DAB1: variants seen among roughly 807,000 people sequenced by gnomAD.
DAB1 encodes DAB adaptor protein 1.
Under a neutral mutation model 64.6 loss-of-function variants are expected in DAB1, and 15 were observed. The ratio of observed to expected loss-of-function variants is 0.23; its 90% confidence interval spans 0.16 to 0.36. The LOEUF is 0.36. DAB1 is among the 10% of genes least tolerant of loss of function. The pLI is 1.00. For missense variants in DAB1, 596 were observed against 706.7 expected (o/e 0.84, Z 1.78); for synonymous variants, 235 against 251.9 (o/e 0.93, Z 0.64).
At chr1:57,246,239 T>C (rs1668863066) in intron 2 of DAB1, among the ~76,000 whole-genome samples, 1 of 151,908 alleles carries the variant, frequency 6.6e-6, no homozygotes, top group African/African-American at 2.4e-5. Flanking sequence ...GAAAAATGGT[T>C]TCATGGGCAA....
chr1:57,909,526 A>G (rs913744038), intron 5 of DAB1, among the ~76,000 whole-genome samples: 2 of 152,224 alleles, frequency 1.3e-5, no homozygotes, highest in South Asian at 4.1e-4. Flanking sequence ...AACAGAATCA[A>G]CTATACGACT....
chr1:57,079,720 C>T (rs1489005914), intron 4 of DAB1, among the ~76,000 whole-genome samples: 4 of 152,192 alleles, frequency 2.6e-5, no homozygotes, highest in Non-Finnish European at 4.4e-5. Flanking sequence ...AAATGCACCA[C>T]GCTCAGGTTT....
At chr1:58,004,132 ACACTG>A (rs1338760051) in intron 5 of DAB1, among the ~76,000 whole-genome samples, 1 of 152,234 alleles carries the variant, frequency 6.6e-6, no homozygotes, top group Non-Finnish European at 1.5e-5. Context: ...GTAACACCTC[ACACTG>A]CAGAGTGAGT....
chr1:57,026,148 C>G lies in DAB1; in HGVS notation c.724-105G>C, dbSNP rs114549758. 3.9e-4 allele frequency: 323 copies of G among 835,274 alleles called. 3 individuals are homozygous for G. The African/African-American group carries it at 5.4e-3, about 14-fold the overall frequency. The allele number at this position is 835,274 out of a possible 1,614,324, so 51.7% of individuals were successfully genotyped here. A position where few individuals can be genotyped will look rare whatever the true frequency, so the allele number is the denominator to read the frequency against. On this transcript the variant is annotated intron_variant, in intron 9 of 14. Coordinates refer to ENST00000371236, the MANE Select transcript of DAB1 (RefSeq NM_001365792.1). ...GGGGATACACATTTCTGTTTTTCAT[C>G]ATCTCTAGATAAACCGTAATCCTGA...
chr1:57,087,839 T>C (rs576793993), intron 4 of DAB1, among the ~76,000 whole-genome samples: 1 of 152,202 alleles, frequency 6.6e-6, no homozygotes, highest in African/African-American at 2.4e-5. Flanking sequence ...CACCTATCTT[T>C]AACCTGTCCG....
chr1:58,485,412 G>T (rs1418121832), intron 3 of DAB1, among the ~76,000 whole-genome samples: 1 of 151,756 alleles, frequency 6.6e-6, no homozygotes, highest in Non-Finnish European at 1.5e-5. Context: ...TCTGAGCTAG[G>T]TTTCTTTAAT....
intron 1 of DAB1, among the ~76,000 whole-genome samples, chr1:57,870,440 T>C (rs969066660): frequency 1.3e-5 from 2 of 152,090 alleles, no homozygotes; most frequent in African/African-American, 4.8e-5. Flanking sequence ...GGAAAGACAA[T>C]GGACTTAGGC....
chr1:57,844,987 G>C (rs567921036), intron 1 of DAB1, among the ~76,000 whole-genome samples: 1 of 152,266 alleles, frequency 6.6e-6, no homozygotes, highest in South Asian at 2.1e-4. Context: ...ACCCTGTTTA[G>C]AGTTAGGGGT....
chr1:57,741,068 C>T (rs1033497115), intron 6 of DAB1, among the ~76,000 whole-genome samples: 3 of 152,070 alleles, frequency 2.0e-5, no homozygotes, highest in Admixed American at 1.3e-4. Context: ...GCACAGTTAA[C>T]GACTACATCT....
intron 5 of DAB1, among the ~76,000 whole-genome samples, chr1:57,889,970 T>C (rs1274777204): frequency 6.6e-6 from 1 of 150,938 alleles, no homozygotes; most frequent in South Asian, 2.1e-4. Flanking sequence ...CATTCAGAGC[T>C]GTGGGCTTTC....
chr1:57,679,569 G>T (rs1356900859), intron 6 of DAB1, among the ~76,000 whole-genome samples: 1 of 152,190 alleles, frequency 6.6e-6, no homozygotes, highest in Admixed American at 6.5e-5. Flanking sequence ...TAATGCTAAA[G>T]TTTATGTTCT....
At chr1:57,764,357 T>A (rs78081633) in intron 6 of DAB1, among the ~76,000 whole-genome samples, 7,080 of 152,296 alleles carry the variant, frequency 0.046, 251 homozygotes, top group South Asian at 0.077. Context: ...CATGTGTGGA[T>A]ACATATAACA....
intron 2 of DAB1, among the ~76,000 whole-genome samples, chr1:57,246,317 C>G (rs1668871942): frequency 6.6e-6 from 1 of 152,172 alleles, no homozygotes; most frequent in Admixed American, 6.5e-5. Context: ...CCCAGCTGCT[C>G]CAGCTCCACC....
chr1:57,538,282 C>A (rs1403646263), intron 7 of DAB1, among the ~76,000 whole-genome samples: 1 of 152,114 alleles, frequency 6.6e-6, no homozygotes, highest in Non-Finnish European at 1.5e-5. Flanking sequence ...GGCCCATGTA[C>A]TTTTCCTGAG....
intron 6 of DAB1, among the ~76,000 whole-genome samples, chr1:57,654,606 T>C (rs918966732): frequency 1.3e-5 from 2 of 152,356 alleles, no homozygotes; most frequent in Admixed American, 1.3e-4. Flanking sequence ...TAAAATGACA[T>C]ATTAAACTTC....
chr1:57,272,632 C>T (rs1264009596), intron 2 of DAB1, among the ~76,000 whole-genome samples: 2 of 152,154 alleles, frequency 1.3e-5, no homozygotes, highest in African/African-American at 4.8e-5. Flanking sequence ...GGCCACATAG[C>T]TTAATAAATA....
chr1:57,265,647 G>C (rs925158005), intron 2 of DAB1, among the ~76,000 whole-genome samples: 1 of 152,142 alleles, frequency 6.6e-6, no homozygotes, highest in Non-Finnish European at 1.5e-5. Flanking sequence ...AGTCAAGTTT[G>C]AGTTCTCATT....
chr1:57,392,930 A>G (rs1171215995), intron 1 of DAB1, among the ~76,000 whole-genome samples: 1 of 152,228 alleles, frequency 6.6e-6, no homozygotes, highest in Non-Finnish European at 1.5e-5. Flanking sequence ...CTTAAGAGAC[A>G]GTATCATATT....
chr1:57,431,283 C>G (rs1685506266), intron 7 of DAB1, among the ~76,000 whole-genome samples: 1 of 151,592 alleles, frequency 6.6e-6, no homozygotes, highest in Non-Finnish European at 1.5e-5. Flanking sequence ...CTGCCACAAT[C>G]AGAATTTTGA....
Sources: gnomAD v4.1 joint callset for allele counts (sites outside exome capture counted in the v4.1 genomes callset) on GRCh38, gnomAD v4.1.1 for gene constraint, MANE v1.5 for transcripts, NCBI Gene and HGNC (gene_info 2026-07-23, HGNC 2026-07-21) for gene names.